Variants in DGKG observed in about 807,000 individuals in gnomAD.
The protein encoded by DGKG is diacylglycerol kinase gamma, also known as DAG kinase gamma.
A neutral mutation model predicts 105.3 loss-of-function variants in DGKG; 78 were observed. The observed-to-expected ratio is 0.74, with a 90% CI of 0.62 to 0.89. The LOEUF (loss-of-function observed/expected upper bound fraction) is 0.89, where lower values mean the gene tolerates loss of function less well. Among genes scored for constraint, DGKG ranks in the 40% least tolerant of loss-of-function variants. The pLI, the probability that DGKG is intolerant of heterozygous loss-of-function variation, is 0.00. For synonymous variants in DGKG, 346 were observed against 367.1 expected (o/e 0.94, Z 0.66); for missense variants, 958 against 1,020.1 (o/e 0.94, Z 0.83).
intron 20 of DGKG, among the ~76,000 whole-genome samples, chr3:186,225,044 G>A (rs2108533906): frequency 6.6e-6 from 1 of 150,544 alleles, no homozygotes; most frequent in Admixed American, 6.6e-5. Context: ...TTGTCCCCCT[G>A]AGTCCCTTTT....
At chr3:186,267,631 T>C (rs1722117903) in intron 13 of DGKG, 54 bp downstream of exon 13, 2 of 1,433,520 alleles carry the variant, frequency 1.4e-6, no homozygotes, top group Admixed American at 3.3e-5. Context: ...GCTGCCTACA[T>C]CTGAAACCAG....
chr3:186,230,758 A>C (rs1228405012), intron 20 of DGKG, among the ~76,000 whole-genome samples: 2 of 152,166 alleles, frequency 1.3e-5, no homozygotes, highest in African/African-American at 4.8e-5. Flanking sequence ...GGAGCACAGG[A>C]GGCAAGCGGT....
intron 22 of DGKG, among the ~76,000 whole-genome samples, chr3:186,182,182 T>C (rs1162415297): frequency 6.6e-6 from 1 of 152,214 alleles, no homozygotes; most frequent in East Asian, 1.9e-4. Flanking sequence ...AGCCAATACA[T>C]AACCCTAGAA....
At position 186,149,253 on chromosome 3, in the gene DGKG, C is replaced by A; in HGVS notation, c.*837G>T. On this transcript the variant is annotated 3_prime_UTR_variant, in exon 25 of 25. Coordinates refer to ENST00000265022, the MANE Select transcript of DGKG (RefSeq NM_001346.3). ...TGGGGGTGGTTTTTTTTTTCCTTCCCTTTTTACACAATATTATGACACCAA... is the reference window on the plus strand; with the variant it reads ...TGGGGGTGGTTTTTTTTTTCCTTCCATTTTTACACAATATTATGACACCAA... The A allele has an allele frequency of 1.0e-6, 1 of 984,860 alleles. No homozygotes were observed. The highest frequency in any genetic ancestry group is 1.2e-6 in the Non-Finnish European group (1 of 829,774). The allele number at this position is 984,860 out of a possible 1,614,324, so 61.0% of individuals were successfully genotyped here.
At chr3:186,158,217 G>A in intron 24 of DGKG, 3 of 707,404 alleles carry the variant, frequency 4.2e-6, no homozygotes, top group Non-Finnish European at 3.5e-6. Flanking sequence ...CTTCTCCTAA[G>A]ATTGTTTTAT....
At position 186,251,881 on chromosome 3, in the gene DGKG, T is replaced by C. The variant is rs1721245526; in HGVS notation, c.1639A>G (p.Ile547Val). The C allele has an allele frequency of 6.2e-7, 1 of 1,602,022 alleles. No individual in the cohort carries two copies. Residue 547 changes from isoleucine (I) to valine (V), a missense_variant, in exon 19 of 25, where the codon ATT becomes GTT. By Grantham distance (29) the Ile-to-Val change is conservative (BLOSUM62 3). Coordinates refer to ENST00000265022, the MANE Select transcript of DGKG (RefSeq NM_001346.3). ...GGSLTKILKDIEQSPLVMLDR... is the reference protein window; with the variant it reads ...GGSLTKILKDVEQSPLVMLDR... ...AGCATCACCAAGGGGCTCTGCTCAA[T>C]GTCTTTCAGGATTTTTGTCAAGCTG...
At chr3:186,197,643 G>A (rs971602182) in intron 21 of DGKG, among the ~76,000 whole-genome samples, 1 of 152,166 alleles carries the variant, frequency 6.6e-6, no homozygotes, top group Non-Finnish European at 1.5e-5. Flanking sequence ...GTCAGACTAC[G>A]GTGAAGGCTG....
intron 1 of DGKG, among the ~76,000 whole-genome samples, chr3:186,336,526 T>A (rs1725840310): frequency 6.6e-6 from 1 of 152,044 alleles, no homozygotes. Flanking sequence ...GAATGAAGCC[T>A]CCAACTCAAG....
intron 22 of DGKG, among the ~76,000 whole-genome samples, chr3:186,173,174 G>C (rs956006397): frequency 6.6e-6 from 1 of 152,318 alleles, no homozygotes; most frequent in African/African-American, 2.4e-5. Context: ...CCTCATTAAG[G>C]CTCTGTCTCC....
chr3:186,180,146 CAT>C (rs1467635358), intron 22 of DGKG, among the ~76,000 whole-genome samples: 1 of 151,576 alleles, frequency 6.6e-6, no homozygotes, highest in Non-Finnish European at 1.5e-5. Context: ...TGAAGGGAAA[CAT>C]GTGACTCTGG....
chr3:186,225,104 A>AT lies in DGKG; in HGVS notation c.1827-13220dup, dbSNP rs1329643043. Among the ~76,000 whole-genome samples, 6 of 141,792 alleles carry AT rather than the reference A, an allele frequency of 4.2e-5. No homozygotes were observed. The South Asian group carries it at 9.0e-4, about 21-fold the overall frequency. The allele number at this position is 141,792 out of a possible 152,430, so 93.0% of individuals were successfully genotyped here. ...TTTTTTTAATGTATTTTATTTACTT[A>AT]TTTTTTTTGAGACAGGGTCTCACTC... On this transcript the variant is annotated intron_variant, in intron 20 of 24. Transcript: ENST00000265022.
rs377440327 is a variant in DGKG, at chr3:186,335,635, G to A, written c.-248-14928C>T. Among the ~76,000 whole-genome samples the A allele has an allele frequency of 2.8e-4, 42 of 152,280 alleles. 1 individual carries two copies. The highest frequency in any genetic ancestry group is 2.5e-3 in the Admixed American group (38 of 15,298). On this transcript the variant is annotated intron_variant, in intron 1 of 24. Transcript: ENST00000265022. ...TAATATCCTTGTTGGTAGAAAGGAAGGAAACAGAAACTGTCCAATGCTGCT... is the reference window on the plus strand; with the variant it reads ...TAATATCCTTGTTGGTAGAAAGGAAAGAAACAGAAACTGTCCAATGCTGCT...
intron 21 of DGKG, among the ~76,000 whole-genome samples, chr3:186,196,258 C>T (rs1014818868): frequency 6.6e-6 from 1 of 151,820 alleles, no homozygotes; most frequent in Admixed American, 6.6e-5. Flanking sequence ...CTGCCTCAGC[C>T]TCCCAAGTAG....
intron 2 of DGKG, among the ~76,000 whole-genome samples, chr3:186,317,501 C>T (rs1018949163): frequency 1.3e-5 from 2 of 152,168 alleles, no homozygotes; most frequent in African/African-American, 2.4e-5. Flanking sequence ...TCTAGTTCTT[C>T]CCCCAACACT....
chr3:186,358,369 T>C (rs1480908544), intron 1 of DGKG, among the ~76,000 whole-genome samples: 2 of 152,208 alleles, frequency 1.3e-5, no homozygotes, highest in Non-Finnish European at 1.5e-5. Flanking sequence ...CTTGCATAAA[T>C]TGATCTCAGA....
rs1715548670 is a variant in DGKG, at chr3:186,147,270, A to G, written c.*2820T>C. 1 of 985,928 alleles carries G rather than the reference A, an allele frequency of 1.0e-6. No individual in the cohort carries two copies. Among genetic ancestry groups the G allele is most frequent in the Non-Finnish European group, 1.2e-6 (1 of 829,990 alleles). The allele number at this position is 985,928 out of a possible 1,614,324, so 61.1% of individuals were successfully genotyped here. On this transcript the variant is annotated 3_prime_UTR_variant, in exon 25 of 25. Coordinates refer to ENST00000265022, the MANE Select transcript of DGKG (RefSeq NM_001346.3). ...GGGCAGGTGAGAACATGTTTGTAGCATGGCCAGAATCAGAATAAGATAAGA... is the reference window on the plus strand; with the variant it reads ...GGGCAGGTGAGAACATGTTTGTAGCGTGGCCAGAATCAGAATAAGATAAGA...
intron 22 of DGKG, among the ~76,000 whole-genome samples, chr3:186,166,452 T>A (rs369871977): frequency 1.3e-5 from 2 of 152,262 alleles, no homozygotes; most frequent in South Asian, 4.1e-4. Context: ...GGGTAATGTT[T>A]GTTTAGGAGA....
chr3:186,281,005 C>A, intron 7 of DGKG: 1 of 366,116 alleles, frequency 2.7e-6, no homozygotes, highest in Non-Finnish European at 5.1e-6. Flanking sequence ...CACCTTCCTT[C>A]CCTTATTCTG....
At chr3:186,296,564 C>T (rs569077110) in intron 5 of DGKG, among the ~76,000 whole-genome samples, 3 of 152,368 alleles carry the variant, frequency 2.0e-5, no homozygotes, top group Admixed American at 2.0e-4. Flanking sequence ...GATTCCACAT[C>T]TCTCACAGCC....
Sources: allele counts gnomAD v4.1 joint callset (sites outside exome capture counted in the v4.1 genomes callset), GRCh38; gene constraint gnomAD v4.1.1; transcripts MANE v1.5; gene names NCBI Gene and HGNC (gene_info 2026-07-23, HGNC 2026-07-21).